CD163L1: variants seen among roughly 807,000 people sequenced by gnomAD.
CD163L1 encodes the protein scavenger receptor cysteine-rich type 1 protein M160.
Under a neutral mutation model 165.4 loss-of-function variants are expected in CD163L1, and 124 were observed. The observed-to-expected ratio is 0.75, with a 90% CI of 0.65 to 0.87. CD163L1 has a LOEUF of 0.87. Ranked by LOEUF, CD163L1 falls within the 40% of genes least tolerant of loss-of-function variation. CD163L1 has a pLI of 0.00. For synonymous variants in CD163L1, 585 were observed against 662.2 expected (o/e 0.88, Z 1.79); for missense variants, 1,525 against 1,799.9 (o/e 0.85, Z 2.76).
chr12:7,410,110 C>A (rs1018579631), intron 4 of CD163L1, among the ~76,000 whole-genome samples: 3 of 151,746 alleles, frequency 2.0e-5, no homozygotes, highest in Non-Finnish European at 4.4e-5. Context: ...AAATTAATAA[C>A]ACAATAGATT....
At chr12:7,353,592 A>C (rs1946724248), downstream of CD163L1, among the ~76,000 whole-genome samples, 1 of 152,054 alleles carries the variant, frequency 6.6e-6, no homozygotes, top group African/African-American at 2.4e-5. Flanking sequence ...AAGTTTAAAA[A>C]ATAATGTAAT....
intron 4 of CD163L1, among the ~76,000 whole-genome samples, chr12:7,414,742 A>G (rs1477868391): frequency 6.6e-6 from 1 of 152,140 alleles, no homozygotes; most frequent in African/African-American, 2.4e-5. Context: ...AGAAATTCCC[A>G]TAGAGCTATC....
intron 7 of CD163L1, among the ~76,000 whole-genome samples, chr12:7,396,841 A>G (rs1947787499): frequency 6.7e-6 from 1 of 149,668 alleles, no homozygotes; most frequent in South Asian, 2.1e-4. Flanking sequence ...ACATACATAC[A>G]TATGCACACA....
At chr12:7,339,242 C>T in the CD163L1 span, among the ~76,000 whole-genome samples, 1 of 152,112 alleles carries the variant, frequency 6.6e-6, no homozygotes, top group Non-Finnish European at 1.5e-5. Flanking sequence ...GAAGTCCATT[C>T]CTAGTATCCT....
chr12:7,410,979 A>T (rs1406248367), intron 4 of CD163L1, among the ~76,000 whole-genome samples: 1 of 151,572 alleles, frequency 6.6e-6, no homozygotes, highest in African/African-American at 2.4e-5. Flanking sequence ...AATGACATCT[A>T]AGCACATAAT....
At chr12:7,396,036 A>C (rs1591921942) in intron 8 of CD163L1, 59 bp downstream of exon 8, 1 of 1,373,304 alleles carries the variant, frequency 7.3e-7, no homozygotes, top group East Asian at 2.3e-5. Flanking sequence ...AGAAGAAAGA[A>C]GGTATGTTAG....
intron 18 of CD163L1, among the ~76,000 whole-genome samples, chr12:7,364,826 G>A (rs1946978945): frequency 6.6e-6 from 1 of 152,002 alleles, no homozygotes; most frequent in African/African-American, 2.4e-5. Context: ...CTCATAGATG[G>A]AAAGAATTAA....
In CD163L1 at chr12:7,368,194, T is replaced by TTTCTATACAG; in HGVS notation, c.4075_4076insCTGTATAGAA (p.His1359ProfsTer3). On this transcript the variant is annotated stop_gained and frameshift_variant, in exon 17 of 20. Transcript: ENST00000313599. LOFTEE classifies it high-confidence loss of function. This position sits in a 1 kb window ranked among gnomAD's most constrained non-coding sequence, Gnocchi z 4.3. ...GATACTGGATAAAATAAGTGCTAAA[T>TTTCTATACAG]GACCTGTATAGAAATTAAGCATTGA... The TTTCTATACAG allele has an allele frequency of 6.5e-7, 1 of 1,541,894 alleles. No homozygotes were observed.
chr12:7,438,960 T>C lies in CD163L1; in HGVS notation c.124+2194A>G, dbSNP rs192126927. On this transcript the variant is annotated intron_variant, in intron 2 of 19. Transcript: ENST00000313599. Reference sequence around the variant, plus strand: ...AAGAATGCGTTCTTGTTCTCTAGCTTCCTGCTCTCTCTAGTGTCCTCAACC... The same window carrying C: ...AAGAATGCGTTCTTGTTCTCTAGCTCCCTGCTCTCTCTAGTGTCCTCAACC... 1.9e-3 allele frequency: 3,049 copies of C among 1,608,096 alleles called. 6 individuals carry two copies. The highest frequency in any genetic ancestry group is 2.5e-3 in the Middle Eastern group (15 of 6,018).
chr12:7,338,054 C>G, the CD163L1 span, among the ~76,000 whole-genome samples: 1 of 152,142 alleles, frequency 6.6e-6, no homozygotes, highest in African/African-American at 2.4e-5. Context: ...TCTCAGCGAA[C>G]TAACACAGGA....
intron 2 of CD163L1, chr12:7,440,019 C>T (rs887951124): frequency 1.4e-6 from 2 of 1,402,502 alleles, no homozygotes; most frequent in South Asian, 1.2e-5. Flanking sequence ...CCGAGGAAAA[C>T]CCGCTGCGAC....
chr12:7,326,876 G>A, the CD163L1 span: 2 of 1,319,358 alleles, frequency 1.5e-6, no homozygotes, highest in African/African-American at 3.0e-5. Flanking sequence ...CACACAAACT[G>A]TTATTAATAA....
Position 7,432,577 on chromosome 12 carries a change from A to G in CD163L1, c.605T>C (p.Phe202Ser), listed in dbSNP as rs1314471728. ...VCRQLGCPSS[F>S]ISSGVVNSPA... The stretch of plus-strand genomic sequence containing the variant: ...GCTATTAACAACTCCAGAAGAAATA[A>G]AAGAAGATGGACATCCTAGTTGCCT... Residue 202 changes from phenylalanine to serine, a missense_variant, in exon 4 of 20, where the codon TTT becomes TCT. Transcript: ENST00000313599. The surrounding 1 kb of genome is among the most constrained non-coding windows in gnomAD (Gnocchi z 4.2). 6.2e-7 allele frequency: 1 copy of G among 1,614,176 alleles called. No homozygotes were observed. Among genetic ancestry groups the G allele is most frequent in the African/African-American group, 1.3e-5 (1 of 75,040 alleles).
chr12:7,322,414 C>G, the CD163L1 span: 4 of 1,613,590 alleles, frequency 2.5e-6, no homozygotes, highest in Non-Finnish European at 3.4e-6. Context: ...CTCTGTCTCT[C>G]CAGATATAAA....
intron 3 of CD163L1, 94 bp downstream of exon 3, chr12:7,433,280 C>G (rs1280594572): frequency 9.5e-7 from 1 of 1,053,550 alleles, no homozygotes; most frequent in Non-Finnish European, 1.4e-6. Flanking sequence ...CCCAGAGGGA[C>G]ACTATTAAAG....
intron 8 of CD163L1, among the ~76,000 whole-genome samples, chr12:7,386,266 AG>A (rs1393474504): frequency 1.3e-5 from 2 of 152,128 alleles, no homozygotes; most frequent in African/African-American, 4.8e-5. Flanking sequence ...AGATTAATCA[AG>A]GAAGAAATAG....
chr12:7,387,759 C>T (rs555802342), intron 8 of CD163L1, among the ~76,000 whole-genome samples: 94 of 152,230 alleles, frequency 6.2e-4, no homozygotes, highest in African/African-American at 2.1e-3. Flanking sequence ...TACCCAGCCT[C>T]GAGTATTCCT....
intron 8 of CD163L1, among the ~76,000 whole-genome samples, chr12:7,384,951 A>C (rs1947486702): frequency 6.6e-6 from 1 of 152,108 alleles, no homozygotes; most frequent in African/African-American, 2.4e-5. Context: ...GGATATATAA[A>C]ACAACAAAAA....
At chr12:7,420,962 A>G (rs1948335979) in intron 4 of CD163L1, among the ~76,000 whole-genome samples, 1 of 119,700 alleles carries the variant, frequency 8.4e-6, no homozygotes, top group Non-Finnish European at 1.7e-5. Context: ...CCCATCAATC[A>G]ATGACTGGGT....
Sources: gnomAD v4.1 joint callset for allele counts (sites outside exome capture counted in the v4.1 genomes callset) on GRCh38, gnomAD v4.1.1 for gene constraint, Gnocchi (gnomAD v3.1) non-coding constraint, MANE v1.5 for transcripts, NCBI Gene and HGNC (gene_info 2026-07-23, HGNC 2026-07-21) for gene names.